The following FSTL5 variants were observed in gnomAD, a reference collection of about 807,000 sequenced individuals.
FSTL5 encodes the protein follistatin like 5.
FSTL5 carries 62 observed loss-of-function variants against 89.1 expected under a neutral mutation model. That is an observed-to-expected ratio of 0.70 (90% CI 0.57 to 0.86). The LOEUF (loss-of-function observed/expected upper bound fraction) is 0.86, where lower values mean the gene tolerates loss of function less well. Ranked by LOEUF, FSTL5 falls within the 40% of genes least tolerant of loss-of-function variation. The probability of loss-of-function intolerance (pLI) is 0.00; values close to 1 mark genes in which losing one functional copy is unlikely to be tolerated. For synonymous variants in FSTL5, 383 were observed against 346.2 expected (o/e 1.11, Z -1.18); for missense variants, 1,057 against 1,001.6 (o/e 1.06, Z -0.75).
rs745586002 is a variant in FSTL5 at position 161,920,587 on chromosome 4, A to G, written c.226T>C (p.Cys76Arg). 1.2e-6 allele frequency: 2 copies of G among 1,613,966 alleles called. No individual in the cohort carries two copies. Among genetic ancestry groups the G allele is most frequent in the Non-Finnish European group, 1.7e-6 (2 of 1,179,908 alleles). Reference sequence around the variant, plus strand: ...TGCCCTGTCTCTCTGCTGGTAACACAGTGTCTTCCCAAACCACAGTACTTA... The same window carrying G: ...TGCCCTGTCTCTCTGCTGGTAACACGGTGTCTTCCCAAACCACAGTACTTA... ...ENKYCGLGRH[C>R]VTSRETGQAE... Residue 76 changes from cysteine (C) to arginine (R), a missense_variant, in exon 4 of 16, where the codon TGT (cysteine) becomes CGT (arginine). This residue lies in a region of FSTL5 where 980 missense variants were observed against 903.2 expected (regional missense o/e 1.08). Coordinates refer to ENST00000306100, the MANE Select transcript of FSTL5 (RefSeq NM_020116.5).
chr4:161,930,227 CAT>C (rs1473460126), intron 3 of FSTL5, among the ~76,000 whole-genome samples: 2 of 151,850 alleles, frequency 1.3e-5, no homozygotes, highest in African/African-American at 2.4e-5. Flanking sequence ...TTTAAGAAGA[CAT>C]GTGGGCAGCC....
intron 7 of FSTL5, among the ~76,000 whole-genome samples, chr4:161,622,766 T>C (rs970405452): frequency 5.9e-5 from 9 of 152,182 alleles, no homozygotes; most frequent in African/African-American, 2.2e-4. Context: ...GCAAAAAAGT[T>C]TAGAAAATTT....
At chr4:161,644,778 T>G (rs1254208728) in intron 7 of FSTL5, among the ~76,000 whole-genome samples, 1 of 152,168 alleles carries the variant, frequency 6.6e-6, no homozygotes, top group Non-Finnish European at 1.5e-5. Flanking sequence ...TAATATAAAG[T>G]GCAGGTTGAA....
intron 4 of FSTL5, among the ~76,000 whole-genome samples, chr4:161,903,550 T>C (rs1045607528): frequency 6.6e-6 from 1 of 152,030 alleles, no homozygotes. Context: ...AAAACTATTA[T>C]AGTCTCACAA....
chr4:161,682,203 G>T (rs1737548327), intron 6 of FSTL5, among the ~76,000 whole-genome samples: 1 of 152,124 alleles, frequency 6.6e-6, no homozygotes, highest in South Asian at 2.1e-4. Flanking sequence ...AGTTGCTCTG[G>T]GTAAGTCAGT....
At chr4:162,062,878 C>A (rs1738767745) in intron 2 of FSTL5, among the ~76,000 whole-genome samples, 1 of 151,320 alleles carries the variant, frequency 6.6e-6, no homozygotes, top group African/African-American at 2.4e-5. Flanking sequence ...AATCAAATTT[C>A]TATATAGACA....
At chr4:161,754,872 T>C (rs1027413500) in intron 6 of FSTL5, among the ~76,000 whole-genome samples, 1 of 152,164 alleles carries the variant, frequency 6.6e-6, no homozygotes, top group Non-Finnish European at 1.5e-5. Flanking sequence ...CTTAATGTTA[T>C]AATTTGATTA....
At chr4:161,978,792 A>C (rs458415) in intron 3 of FSTL5, among the ~76,000 whole-genome samples, 36,568 of 151,934 alleles carry the variant, frequency 0.24, 5,086 homozygotes, top group African/African-American at 0.39. Flanking sequence ...GCCTATTGTT[A>C]TCTCATAATT....
chr4:161,445,743 G>T (rs1330843642), intron 15 of FSTL5, among the ~76,000 whole-genome samples: 3 of 151,810 alleles, frequency 2.0e-5, no homozygotes, highest in African/African-American at 4.8e-5. Context: ...TAATTTGCTG[G>T]ATTTCCTTGT....
At chr4:162,162,150 T>C (rs1733719766) in intron 1 of FSTL5, among the ~76,000 whole-genome samples, 1 of 152,132 alleles carries the variant, frequency 6.6e-6, no homozygotes, top group Non-Finnish European at 1.5e-5. Flanking sequence ...CACTCTCTTG[T>C]AGGGCTGTGT....
intron 6 of FSTL5, among the ~76,000 whole-genome samples, chr4:161,731,142 A>T (rs1739592999): frequency 1.3e-5 from 2 of 152,296 alleles, no homozygotes; most frequent in South Asian, 4.1e-4. Flanking sequence ...AACTGCACAT[A>T]TTTAAATGTA....
chr4:161,791,086 G>T (rs1191964836), intron 4 of FSTL5, among the ~76,000 whole-genome samples: 2 of 152,068 alleles, frequency 1.3e-5, no homozygotes, highest in African/African-American at 4.8e-5. Flanking sequence ...ATCCTTAAAT[G>T]ATCTTTCCCA....
intron 4 of FSTL5, among the ~76,000 whole-genome samples, chr4:161,861,869 T>C (rs1419849020): frequency 4.6e-5 from 7 of 152,220 alleles, no homozygotes; most frequent in Non-Finnish European, 7.3e-5. Flanking sequence ...TGTCTGTGGC[T>C]AAGAAATCAT....
intron 1 of FSTL5, among the ~76,000 whole-genome samples, chr4:162,127,750 GA>G (rs1011728663): frequency 2.1e-4 from 31 of 150,216 alleles, no homozygotes; most frequent in South Asian, 4.2e-4. Flanking sequence ...AGACAGAAAA[GA>G]AAAAAAAATG....
At chr4:161,387,791 TTAAA>T (rs1387698241) in intron 15 of FSTL5, 15 of 152,048 alleles carry the variant, frequency 9.9e-5, no homozygotes, top group African/African-American at 2.7e-4. Context: ...TCTTCTTACA[TTAAA>T]TATAGTTGAC....
intron 6 of FSTL5, among the ~76,000 whole-genome samples, chr4:161,695,845 G>A (rs1738141910): frequency 6.6e-6 from 1 of 151,936 alleles, no homozygotes; most frequent in Admixed American, 6.6e-5. Flanking sequence ...GTTCCTTATA[G>A]ATTCTGAATA....
intron 15 of FSTL5, among the ~76,000 whole-genome samples, chr4:161,390,541 TG>T (rs1411118666): frequency 2.0e-5 from 3 of 152,136 alleles, no homozygotes; most frequent in African/African-American, 7.2e-5. Flanking sequence ...ACTCAGTCCC[TG>T]GTCACAAAGT....
intron 5 of FSTL5, among the ~76,000 whole-genome samples, chr4:161,771,564 G>A (rs954101638): frequency 2.0e-5 from 3 of 151,966 alleles, no homozygotes; most frequent in African/African-American, 7.2e-5. Flanking sequence ...AATATCCTAG[G>A]ATTTCATCAA....
chr4:162,056,784 T>C (rs1038644751), intron 2 of FSTL5, among the ~76,000 whole-genome samples: 2 of 152,126 alleles, frequency 1.3e-5, no homozygotes, highest in Admixed American at 1.3e-4. Flanking sequence ...TTGTCAACAT[T>C]TTATTTCTTA....
Sources: allele counts gnomAD v4.1 joint callset (sites outside exome capture counted in the v4.1 genomes callset), GRCh38; gene constraint gnomAD v4.1.1; regional missense constraint gnomAD v4.1.1; transcripts MANE v1.5; gene names NCBI Gene and HGNC (gene_info 2026-07-23, HGNC 2026-07-21).